The following TIMM50 variants were observed in gnomAD, a reference collection of about 807,000 sequenced individuals.
TIMM50 encodes the protein translocase of inner mitochondrial membrane 50.
In TIMM50, 34 loss-of-function variants were observed where a neutral mutation model predicts 49.6. That is an observed-to-expected ratio of 0.69 (90% CI 0.52 to 0.91). TIMM50 has a LOEUF of 0.91. Ranked by LOEUF, TIMM50 falls within the 40% of genes least tolerant of loss-of-function variation. TIMM50 has a pLI of 0.00. For missense variants in TIMM50, 458 were observed against 477.8 expected (o/e 0.96, Z 0.39); for synonymous variants, 199 against 198.4 (o/e 1.00, Z -0.03).
chr19:39,486,991 C>T (rs1483763089), intron 8 of TIMM50, among the ~76,000 whole-genome samples: 1 of 151,974 alleles, frequency 6.6e-6, no homozygotes, highest in African/African-American at 2.4e-5. Flanking sequence ...CTGTGTTGCT[C>T]TTGGAAATTC....
chr19:39,488,454 C>T, intron 9 of TIMM50, 85 bp from the exon 10 acceptor site: 1 of 1,303,672 alleles, frequency 7.7e-7, no homozygotes, highest in Non-Finnish European at 1.1e-6. Flanking sequence ...TGCCCCCGTG[C>T]CCCAGTGCGG....
rs895332528 is a variant in TIMM50, at chr19:39,492,072, A to G, written c.*2252A>G. On this transcript the variant is annotated 3_prime_UTR_variant, in exon 11 of 11. Transcript: ENST00000607714. The stretch of plus-strand genomic sequence containing the variant: ...TGTATTGACAGTACCACTGTGTATT[A>G]AGAGTATGAGTCCCAGATTGTGTAA... 3.3e-5 allele frequency: 5 copies of G among 152,180 alleles called. No individual in the cohort carries two copies. Among genetic ancestry groups the G allele is most frequent in the Admixed American group, 3.3e-4 (5 of 15,278 alleles). The allele number at this position is 152,180 out of a possible 1,614,324, so 9.4% of individuals were successfully genotyped here. A position where few individuals can be genotyped will look rare whatever the true frequency, so the allele number is the denominator to read the frequency against.
chr19:39,486,146 C>T, intron 6 of TIMM50, 41 bp from the exon 7 acceptor site: 1 of 1,595,336 alleles, frequency 6.3e-7, no homozygotes, highest in South Asian at 1.1e-5. Flanking sequence ...CTCTGAGGAC[C>T]TCTGGGTCTT....
chr19:39,489,026 G>A (rs2079526894), intron 10 of TIMM50, among the ~76,000 whole-genome samples: 1 of 152,080 alleles, frequency 6.6e-6, no homozygotes, highest in Non-Finnish European at 1.5e-5. Flanking sequence ...AGATGTGATA[G>A]TCTTGGTGGG....
rs369086378 is a variant in TIMM50, at chr19:39,486,299, T to G, written c.597+8T>G. On this transcript the variant is annotated splice_region_variant and intron_variant, in intron 7 of 10. Transcript: ENST00000607714. ...ACGTCAGAGACTGGCATGGTGAGGC[T>G]CTGGGGCAGGGGAGGGAATATTGGT... 1.2e-5 allele frequency: 19 copies of G among 1,614,024 alleles called. No individual in the cohort carries two copies. The highest frequency in any genetic ancestry group is 1.6e-5 in the Non-Finnish European group (19 of 1,179,914).
rs1555752612 is a variant in TIMM50 at position 39,492,880 on chromosome 19, A to AAC, written c.*3061_*3062insCA. ...AGTAAGGCTCTGTCTCCAAAAAAAA[A>AAC]AAAAAAAAAAAACAAAAAAAAAACC... On this transcript the variant is annotated 3_prime_UTR_variant, in exon 11 of 11. Coordinates refer to ENST00000607714, the MANE Select transcript of TIMM50 (RefSeq NM_001001563.5). 1.4e-5 allele frequency: 2 copies of AAC among 143,394 alleles called. No homozygotes were observed. Among genetic ancestry groups the AAC allele is most frequent in the Non-Finnish European group, 3.0e-5 (2 of 67,354 alleles). 8.9% of individuals were successfully genotyped at this position (143,394 alleles called of 1,614,324 possible).
intron 4 of TIMM50, among the ~76,000 whole-genome samples, chr19:39,484,627 G>A (rs2079492756): frequency 6.6e-6 from 1 of 152,016 alleles, no homozygotes; most frequent in African/African-American, 2.4e-5. Context: ...CCAGGGGTAG[G>A]CAGATAGACA....
At chr19:39,489,625 G>A in intron 10 of TIMM50, 94 bp from the exon 11 acceptor site, 1 of 1,196,170 alleles carries the variant, frequency 8.4e-7, no homozygotes, top group South Asian at 1.4e-5. Context: ...AAGGAAAGGT[G>A]GTCCCTGGGC....
intron 8 of TIMM50, 79 bp downstream of exon 8, chr19:39,486,574 C>A: frequency 7.9e-7 from 1 of 1,259,930 alleles, no homozygotes; most frequent in Non-Finnish European, 1.2e-6. Flanking sequence ...CAGCTCTGAC[C>A]CTAGCCTCAC....
At position 39,481,952 on chromosome 19, in the gene TIMM50, C is replaced by T. The variant is rs1568440226; in HGVS notation, c.178C>T (p.Pro60Ser). Residue 60 changes from proline (P) to serine (S), a missense_variant, in exon 2 of 11, where the codon CCC (proline) becomes TCC (serine). Coordinates refer to ENST00000607714, the MANE Select transcript of TIMM50 (RefSeq NM_001001563.5). ...ACAGCAGCAGCCGGGCTCAGAGGGTCCCAGCTATGCCAAAAAAGTTGCGCT... is the reference window on the plus strand; with the variant it reads ...ACAGCAGCAGCCGGGCTCAGAGGGTTCCAGCTATGCCAAAAAAGTTGCGCT... Reference protein sequence around the residue: ...GPQQQPGSEGPSYAKKVALWL... With the variant: ...GPQQQPGSEGSSYAKKVALWL... 3 of 1,614,190 alleles carry T rather than the reference C, an allele frequency of 1.9e-6. No homozygotes were observed. Among genetic ancestry groups the T allele is most frequent in the Non-Finnish European group, 8.5e-7 (1 of 1,180,046 alleles).
At chr19:39,487,245 T>G (rs2079513199) in intron 8 of TIMM50, among the ~76,000 whole-genome samples, 1 of 152,156 alleles carries the variant, frequency 6.6e-6, no homozygotes, top group African/African-American at 2.4e-5. Flanking sequence ...GTCTATGTGA[T>G]TAGCTCCCCA....
At position 39,489,834 on chromosome 19, in the gene TIMM50, T is replaced by G. The variant is rs1349080517; in HGVS notation, c.*14T>G. 2 of 1,592,660 alleles carry G rather than the reference T, an allele frequency of 1.3e-6. No individual in the cohort carries two copies. The highest frequency in any genetic ancestry group is 2.3e-5 in the South Asian group (2 of 87,176). ...AAACAGCCCTGAACTCTGGGCCTCC[T>G]CAAACTCAGTGCCTGGGTCCAGGGC... On this transcript the variant is annotated 3_prime_UTR_variant, in exon 11 of 11. Transcript: ENST00000607714.
At chr19:39,482,072 G>T (rs1209783481) in intron 2 of TIMM50, 39 bp downstream of exon 2, 61 of 1,600,068 alleles carry the variant, frequency 3.8e-5, no homozygotes, top group Middle Eastern at 3.3e-4. Context: ...TTGTTCCTTG[G>T]CCTCCCTGGT....
rs2079546970 is a variant in TIMM50 at position 39,491,815 on chromosome 19, A to T, written c.*1995A>T. 7.9e-6 allele frequency: 1 copy of T among 127,028 alleles called. No homozygotes were observed. Among genetic ancestry groups the T allele is most frequent in the Non-Finnish European group, 1.6e-5 (1 of 62,780 alleles). 7.9% of individuals were successfully genotyped at this position (127,028 alleles called of 1,614,324 possible). On this transcript the variant is annotated 3_prime_UTR_variant, in exon 11 of 11. Coordinates refer to ENST00000607714, the MANE Select transcript of TIMM50 (RefSeq NM_001001563.5). Reference sequence around the variant, plus strand: ...AAATTCTAGCCTGGGCAACAGAGCGAGACCCTGTCTCAAAAAAAAAAAAAA... The same window carrying T: ...AAATTCTAGCCTGGGCAACAGAGCGTGACCCTGTCTCAAAAAAAAAAAAAA...
At chr19:39,482,860 A>C in intron 2 of TIMM50, 25 bp from the exon 3 acceptor site, 1 of 1,613,908 alleles carries the variant, frequency 6.2e-7, no homozygotes, top group Non-Finnish European at 8.5e-7. Flanking sequence ...CTAATTCCTC[A>C]TATTCATCCT....
chr19:39,483,798 A>G (rs1568441090), intron 4 of TIMM50, among the ~76,000 whole-genome samples: 1 of 152,228 alleles, frequency 6.6e-6, no homozygotes, highest in Non-Finnish European at 1.5e-5. Context: ...GTACATCTGC[A>G]GTTTTAAAGT....
In TIMM50 at chr19:39,485,799, G is replaced by C. The variant is rs1383446640; in HGVS notation, c.484G>C (p.Glu162Gln). ...GCTCACCGGCGTCCTCTTGCATCCT[G>C]AGTGGTCGGTGTGTCCCGGGAAACC... ...LELTGVLLHP[E>Q]WSLATGWRFK... The change falls in exon 6 of 11, where the codon GAG becomes CAG. Residue 162 changes from glutamate to glutamine, a missense_variant. Coordinates refer to ENST00000607714, the MANE Select transcript of TIMM50 (RefSeq NM_001001563.5). The C allele has an allele frequency of 1.2e-6, 2 of 1,614,140 alleles. No individual in the cohort carries two copies. Among genetic ancestry groups the C allele is most frequent in the Middle Eastern group, 1.6e-4 (1 of 6,062 alleles).
In TIMM50 at chr19:39,485,762, G is replaced by A. The variant is rs114264619; in HGVS notation, c.447G>A (p.Thr149=). The A allele has an allele frequency of 1.6e-4, 265 of 1,613,952 alleles. No homozygotes were observed. The highest frequency in any genetic ancestry group is 2.2e-4 in the Non-Finnish European group (257 of 1,180,048). ...AACCGTACTACCAGCCACCCTACACGCTCGTTTTGGAGCTCACCGGCGTCC... is the reference window on the plus strand; with the variant it reads ...AACCGTACTACCAGCCACCCTACACACTCGTTTTGGAGCTCACCGGCGTCC... ...LQEPYYQPPY[T]LVLELTGVLL... is the part of the protein sequence containing the mutation. The change falls in exon 6 of 11, where the codon ACG becomes ACA. Residue 149 remains threonine (T), a synonymous_variant. Transcript: ENST00000607714.
chr19:39,490,755 C>G lies in TIMM50; in HGVS notation c.*935C>G, dbSNP rs1482942514. The G allele has an allele frequency of 2.0e-5, 3 of 152,170 alleles. No individual in the cohort carries two copies. The highest frequency in any genetic ancestry group is 1.3e-4 in the Admixed American group (2 of 15,284). The allele number at this position is 152,170 out of a possible 1,614,324, so 9.4% of individuals were successfully genotyped here. On this transcript the variant is annotated 3_prime_UTR_variant, in exon 11 of 11. Transcript: ENST00000607714. The stretch of plus-strand genomic sequence containing the variant: ...GTTGGCTCCTAGCGGGGCGCAGTGG[C>G]TCACGCCTGTAATCCCAGCACTTTG...
Sources: allele counts gnomAD v4.1 joint callset (sites outside exome capture counted in the v4.1 genomes callset), GRCh38; gene constraint gnomAD v4.1.1; transcripts MANE v1.5; gene names NCBI Gene and HGNC (gene_info 2026-07-23, HGNC 2026-07-21).